AMMECR1: variants seen among roughly 807,000 people sequenced by gnomAD.
The protein encoded by AMMECR1 is AMMECR nuclear protein 1, also known as nuclear protein AMMECR1.
Under a neutral mutation model 22.5 loss-of-function variants are expected in AMMECR1, and 3 were observed. That is an observed-to-expected ratio of 0.13 (90% confidence interval 0.06 to 0.35). AMMECR1 has a LOEUF of 0.35. AMMECR1 is among the 10% of genes least tolerant of loss of function. The pLI is 1.00. For synonymous variants in AMMECR1, 130 were observed against 116.7 expected (o/e 1.11, Z -0.74); for missense variants, 235 against 278.7 (o/e 0.84, Z 1.12).
chrX:110,316,371 G>A (rs1335015077), intron 1 of AMMECR1, among the ~76,000 whole-genome samples: 1 of 111,351 alleles, frequency 9.0e-6, no homozygotes, highest in Non-Finnish European at 1.9e-5. Context: ...TTATGATATG[G>A]GGGACAAGGG....
intron 1 of AMMECR1, among the ~76,000 whole-genome samples, chrX:110,304,875 CT>C (rs2067985777): frequency 8.9e-6 from 1 of 111,893 alleles, no homozygotes; most frequent in Non-Finnish European, 1.9e-5. Context: ...TCATCCTGAC[CT>C]ATGTCTAAGA....
chrX:110,385,428 C>A (rs1328380525), intron 2 of AMMECR1, among the ~76,000 whole-genome samples: 1 of 111,242 alleles, frequency 9.0e-6, no homozygotes, highest in Non-Finnish European at 1.9e-5. Context: ...CAGAGTTGTG[C>A]AACCATCACC....
chrX:110,282,853 AG>A (rs768442271), intron 1 of AMMECR1, among the ~76,000 whole-genome samples: 26 of 111,382 alleles, frequency 2.3e-4, no homozygotes, highest in Non-Finnish European at 3.8e-4. Flanking sequence ...AAGTACTATT[AG>A]GTGCTTTCAT....
chrX:110,403,461 C>A (rs2068578111), intron 2 of AMMECR1, among the ~76,000 whole-genome samples: 1 of 111,748 alleles, frequency 8.9e-6, no homozygotes, highest in Non-Finnish European at 1.9e-5. Context: ...GACAGACACA[C>A]ACACACGCAT....
intron 1 of AMMECR1, among the ~76,000 whole-genome samples, chrX:110,313,233 G>C (rs974382836): frequency 1.8e-5 from 2 of 111,843 alleles, no homozygotes; most frequent in African/African-American, 3.3e-5. Context: ...CTCAAAATCT[G>C]CATATGCGGG....
At chrX:110,438,857 A>G (rs978036341) in intron 1 of AMMECR1, among the ~76,000 whole-genome samples, 3 of 112,233 alleles carry the variant, frequency 2.7e-5, no homozygotes, top group Non-Finnish European at 5.6e-5. Context: ...TGTTCCTTCT[A>G]TTGTGCTCTG....
chrX:110,307,834 C>T (rs766172262), intron 1 of AMMECR1, among the ~76,000 whole-genome samples: 1 of 102,698 alleles, frequency 9.7e-6, no homozygotes, highest in East Asian at 3.0e-4. Context: ...TCATGATATG[C>T]ATTTGCTTCT....
intron 2 of AMMECR1, among the ~76,000 whole-genome samples, chrX:110,366,443 A>G (rs1463522716): frequency 1.8e-5 from 2 of 111,807 alleles, no homozygotes; most frequent in Admixed American, 1.9e-4. Context: ...TGGTTCTGAA[A>G]AATGCAATTA....
chrX:110,435,493 A>G (rs1310982799), intron 1 of AMMECR1, among the ~76,000 whole-genome samples: 1 of 112,020 alleles, frequency 8.9e-6, no homozygotes, highest in East Asian at 2.8e-4. Flanking sequence ...CTTTAATTAG[A>G]CCTAGCAGGT....
chrX:110,327,814 TCTTGAACAGAAACACTTCTATC>T (rs2068103781), intron 2 of AMMECR1, among the ~76,000 whole-genome samples: 1 of 111,729 alleles, frequency 9.0e-6, no homozygotes, highest in Non-Finnish European at 1.9e-5. Flanking sequence ...TACAAGCAAT[TCTTGAACAGAAACACTTCTATC>T]CTGAAAAGAG....
chrX:110,288,061 G>A (rs1158333646), intron 1 of AMMECR1, among the ~76,000 whole-genome samples: 1 of 112,075 alleles, frequency 8.9e-6, no homozygotes, highest in Non-Finnish European at 1.9e-5. Flanking sequence ...GAGGAATTAT[G>A]GGACACAAAG....
chrX:110,204,396 T>C (rs1403215474), intron 3 of AMMECR1, among the ~76,000 whole-genome samples: 1 of 111,268 alleles, frequency 9.0e-6, no homozygotes, highest in Non-Finnish European at 1.9e-5. Flanking sequence ...TGTCTCCCTA[T>C]CTGTGAGATG....
intron 2 of AMMECR1, among the ~76,000 whole-genome samples, chrX:110,323,960 TG>T (rs772632917): frequency 4.0e-4 from 45 of 111,368 alleles, no homozygotes; most frequent in Non-Finnish European, 7.7e-4. Context: ...TTGATGCTAT[TG>T]AAGATGGAAT....
At position 110,287,639 on chromosome X, in the gene AMMECR1, T is replaced by C. The variant is rs749187439; in HGVS notation, c.474-23040A>G. ...TACTAGTCTACATGACACTGTCTAG[T>C]ACAGGGTAGAGTTGTGAATACCATA... On this transcript the variant is annotated intron_variant, in intron 1 of 5. Transcript: ENST00000262844. Among the ~76,000 whole-genome samples the C allele has an allele frequency of 1.4e-3, 152 of 112,164 alleles. 1 individual carries two copies. Among genetic ancestry groups the C allele is most frequent in the Non-Finnish European group, 2.5e-3 (133 of 53,187 alleles).
intron 2 of AMMECR1, among the ~76,000 whole-genome samples, chrX:110,408,099 TATCA>T (rs2068615590): frequency 2.7e-5 from 3 of 112,424 alleles, no homozygotes; most frequent in Non-Finnish European, 3.8e-5. Context: ...CAACAACAGG[TATCA>T]ATTTAGAGAA....
At chrX:110,274,654 T>C (rs1465215563) in intron 1 of AMMECR1, among the ~76,000 whole-genome samples, 2 of 112,251 alleles carry the variant, frequency 1.8e-5, no homozygotes, top group East Asian at 5.5e-4. Context: ...ACACAGTATA[T>C]GGTTAGGTCT....
chrX:110,218,440 T>C (rs757257958), intron 2 of AMMECR1, among the ~76,000 whole-genome samples: 14 of 110,765 alleles, frequency 1.3e-4, no homozygotes, highest in African/African-American at 1.6e-4. Flanking sequence ...TAAAATTAAA[T>C]ATATTTGTTG....
chrX:110,435,822 C>G, intron 1 of AMMECR1, among the ~76,000 whole-genome samples: 1 of 112,079 alleles, frequency 8.9e-6, no homozygotes, highest in East Asian at 2.8e-4. Context: ...TTTATAGTAA[C>G]AAGAGTAGCA....
At position 110,197,669 on chromosome X, in the gene AMMECR1, G is replaced by A. The variant is rs1424383252; in HGVS notation, c.*851C>T. The A allele has an allele frequency of 2.7e-5, 3 of 111,553 alleles. No homozygotes were observed. The highest frequency in any genetic ancestry group is 6.5e-5 in the African/African-American group (2 of 30,628). The allele number at this position is 111,553 out of a possible 1,213,427, so 9.2% of individuals were successfully genotyped here. A position where few individuals can be genotyped will look rare whatever the true frequency, so the allele number is the denominator to read the frequency against. On this transcript the variant is annotated 3_prime_UTR_variant, in exon 6 of 6. Transcript: ENST00000262844. ...CTCAAAGGCACTAAATTCTGTATCT[G>A]CTCTCTTCCTAATATTTGCTGCTCA... is the stretch of plus-strand genomic sequence containing the variant.
Sources: gnomAD v4.1 joint callset for allele counts (sites outside exome capture counted in the v4.1 genomes callset) on GRCh38, gnomAD v4.1.1 for gene constraint, MANE v1.5 for transcripts, NCBI Gene and HGNC (gene_info 2026-07-23, HGNC 2026-07-21) for gene names.